CYP19A1: variants seen among roughly 807,000 people sequenced by gnomAD.
CYP19A1 encodes the protein aromatase.
CYP19A1 carries 32 observed loss-of-function variants against 44.4 expected under a neutral mutation model. That is an observed-to-expected ratio of 0.72 (90% CI 0.54 to 0.97). CYP19A1 has a LOEUF of 0.97. Among genes scored for constraint, CYP19A1 ranks in the 50% least tolerant of loss-of-function variants. The pLI, the probability that CYP19A1 is intolerant of heterozygous loss-of-function variation, is 0.00. For synonymous variants in CYP19A1, 212 were observed against 215.6 expected, an observed-to-expected ratio of 0.98 and a Z score of 0.14; for missense variants, 598 against 637.8, an observed-to-expected ratio of 0.94 and a Z score of 0.67.
intron 1 of CYP19A1, among the ~76,000 whole-genome samples, chr15:51,263,459 G>A (rs906815883): frequency 6.6e-6 from 1 of 152,212 alleles, no homozygotes; most frequent in Non-Finnish European, 1.5e-5. Context: ...AGACAGAATG[G>A]GTGATAACTT....
Position 51,210,595 on chromosome 15 carries a change from T to C in CYP19A1, c.*213A>G, listed in dbSNP as rs2141028618. 4 of 691,674 alleles carry C rather than the reference T, an allele frequency of 5.8e-6. No individual in the cohort carries two copies. The highest frequency in any genetic ancestry group is 5.3e-6 in the Non-Finnish European group (2 of 375,032). The allele number at this position is 691,674 out of a possible 1,614,324, so 42.8% of individuals were successfully genotyped here. On this transcript the variant is annotated 3_prime_UTR_variant, in exon 10 of 10. Transcript: ENST00000396402. ...CTATTTCTCCCTCAAACTCTTGGCC[T>C]CTGCTTTTTCTCTTGTAGCCTGGTT...
At chr15:51,314,381 T>C (rs3751592) in intron 1 of CYP19A1, among the ~76,000 whole-genome samples, 46,305 of 151,680 alleles carry the variant, frequency 0.31, 7,208 homozygotes, top group Admixed American at 0.35. Flanking sequence ...ATCTGTGGAG[T>C]CTCAGGCATG....
In CYP19A1 at chr15:51,265,058, C is replaced by T. The variant is rs954442790; in HGVS notation, c.-38-22108G>A. Among the ~76,000 whole-genome samples the T allele has an allele frequency of 2.0e-5, 3 of 152,210 alleles. No homozygotes were observed. The East Asian group carries it at 5.8e-4, about 29-fold the overall frequency. ...TTCTTATGTTACATAAATCCTATTTCATCCACTTTTCCAGTCTCATCCCCT... is the reference window on the plus strand; with the variant it reads ...TTCTTATGTTACATAAATCCTATTTTATCCACTTTTCCAGTCTCATCCCCT... On this transcript the variant is annotated intron_variant, in intron 1 of 9. Coordinates refer to ENST00000396402, the MANE Select transcript of CYP19A1 (RefSeq NM_000103.4).
At chr15:51,301,333 A>C (rs929613537) in intron 1 of CYP19A1, among the ~76,000 whole-genome samples, 4 of 152,222 alleles carry the variant, frequency 2.6e-5, no homozygotes, top group African/African-American at 4.8e-5. Context: ...CATAAAACTG[A>C]GATAGCACAA....
intron 1 of CYP19A1, among the ~76,000 whole-genome samples, chr15:51,325,116 G>A (rs925403240): frequency 6.6e-6 from 1 of 152,180 alleles, no homozygotes; most frequent in African/African-American, 2.4e-5. Context: ...CTGCTTGGGA[G>A]GCCAGAAGAT....
chr15:51,271,178 C>T (rs1001946285), intron 1 of CYP19A1, among the ~76,000 whole-genome samples: 3 of 151,964 alleles, frequency 2.0e-5, no homozygotes, highest in Non-Finnish European at 2.9e-5. Context: ...TTTTTTATCG[C>T]CCTCTTCTTA....
chr15:51,213,632 C>T (rs148892268), intron 8 of CYP19A1, among the ~76,000 whole-genome samples: 6 of 152,290 alleles, frequency 3.9e-5, no homozygotes, highest in South Asian at 2.1e-4. Context: ...GGAGCATGGA[C>T]GCTTGCAAAT....
chr15:51,210,774 G>A lies in CYP19A1; in HGVS notation c.*34C>T, dbSNP rs2030868651. 3 of 1,357,390 alleles carry A rather than the reference G, an allele frequency of 2.2e-6. No homozygotes were observed. In the South Asian group the frequency reaches 3.5e-5, roughly 16 times the overall value. 84.1% of individuals were successfully genotyped at this position (1,357,390 alleles called of 1,614,324 possible). A position where few individuals can be genotyped will look rare whatever the true frequency, so the allele number is the denominator to read the frequency against. ...TGATTTGTATGTGAACTACTGATGA[G>A]AAATGCTCCAGAGTGGGTACTGACC... On this transcript the variant is annotated 3_prime_UTR_variant, in exon 10 of 10. Coordinates refer to ENST00000396402, the MANE Select transcript of CYP19A1 (RefSeq NM_000103.4).
chr15:51,291,779 A>G (rs1308503661), intron 1 of CYP19A1, among the ~76,000 whole-genome samples: 6 of 152,230 alleles, frequency 3.9e-5, no homozygotes, highest in Non-Finnish European at 7.3e-5. Context: ...TCAGGGAAAA[A>G]AGCTCAGGCT....
At chr15:51,318,565 C>T (rs966390390) in intron 1 of CYP19A1, 1 of 152,282 alleles carries the variant, frequency 6.6e-6, no homozygotes, top group South Asian at 2.1e-4. Context: ...GGTCAGGGAT[C>T]TCCTGGAGAG....
chr15:51,323,551 A>G (rs2141024346), intron 1 of CYP19A1, among the ~76,000 whole-genome samples: 1 of 151,880 alleles, frequency 6.6e-6, no homozygotes, highest in South Asian at 2.1e-4. Context: ...CCACTGTGAA[A>G]TTCAGTGTCT....
At chr15:51,270,195 G>A (rs370843478) in intron 1 of CYP19A1, among the ~76,000 whole-genome samples, 3 of 125,106 alleles carry the variant, frequency 2.4e-5, no homozygotes, top group Middle Eastern at 3.6e-3. Flanking sequence ...TTTTTTTTTT[G>A]GTACTACTGT....
chr15:51,212,154 C>G (rs2031057648), intron 9 of CYP19A1, 166 bp downstream of exon 9: 1 of 688,288 alleles, frequency 1.5e-6, no homozygotes, highest in South Asian at 1.6e-5. Flanking sequence ...AGGATGAATA[C>G]GGGAGCCCTG....
chr15:51,226,268 T>C (rs1330604306), intron 4 of CYP19A1, among the ~76,000 whole-genome samples: 3 of 152,092 alleles, frequency 2.0e-5, no homozygotes, highest in Non-Finnish European at 2.9e-5. Context: ...GTGGCTGGCC[T>C]CTAGAGCTGG....
At chr15:51,252,342 C>T (rs1438982785) in intron 1 of CYP19A1, among the ~76,000 whole-genome samples, 4 of 152,212 alleles carry the variant, frequency 2.6e-5, no homozygotes, top group Non-Finnish European at 5.9e-5. Flanking sequence ...TGAACAACTC[C>T]TGGGCCCAGT....
chr15:51,272,133 G>A (rs897272990), intron 1 of CYP19A1, among the ~76,000 whole-genome samples: 23 of 152,118 alleles, frequency 1.5e-4, no homozygotes, highest in Non-Finnish European at 2.2e-4. Context: ...TCTACACACC[G>A]TGAGTGCCAA....
chr15:51,213,471 C>T (rs1281076378), intron 8 of CYP19A1, among the ~76,000 whole-genome samples: 2 of 152,164 alleles, frequency 1.3e-5, no homozygotes, highest in African/African-American at 2.4e-5. Flanking sequence ...CTTCTCATGG[C>T]CCTTCCTCTT....
chr15:51,226,277 G>A (rs1394657480), intron 4 of CYP19A1, among the ~76,000 whole-genome samples: 2 of 152,038 alleles, frequency 1.3e-5, no homozygotes, highest in Non-Finnish European at 2.9e-5. Context: ...CTCTAGAGCT[G>A]GAAAAGACAA....
chr15:51,335,933 C>T (rs28500524), intron 1 of CYP19A1, among the ~76,000 whole-genome samples: 32,169 of 152,172 alleles, frequency 0.21, 4,813 homozygotes, highest in African/African-American at 0.42. Context: ...TGGCTTCTTA[C>T]GGTTCCTCAA....
Sources: gnomAD v4.1 joint callset for allele counts (sites outside exome capture counted in the v4.1 genomes callset) on GRCh38, gnomAD v4.1.1 for gene constraint, MANE v1.5 for transcripts, NCBI Gene and HGNC (gene_info 2026-07-23, HGNC 2026-07-21) for gene names.